BAZ2A: variants seen among roughly 807,000 people sequenced by gnomAD.
The protein encoded by BAZ2A is bromodomain adjacent to zinc finger domain protein 2A.
Under a neutral mutation model 199.9 loss-of-function variants are expected in BAZ2A, and 34 were observed. That is an observed-to-expected ratio of 0.17 (90% CI 0.13 to 0.23). The LOEUF (loss-of-function observed/expected upper bound fraction) is 0.23. Among genes scored for constraint, BAZ2A ranks in the 10% least tolerant of loss-of-function variants. The pLI is 1.00. For missense variants in BAZ2A, 2,002 were observed against 2,391.1 expected, an observed-to-expected ratio of 0.84 and a Z score of 3.39; for synonymous variants, 857 against 883.9, an observed-to-expected ratio of 0.97 and a Z score of 0.54.
chr12:56,636,874 G>C (rs1402692841), upstream of BAZ2A: 1 of 152,468 alleles, frequency 6.6e-6, no homozygotes, highest in Non-Finnish European at 1.5e-5. Context: ...AGGAGAGACT[G>C]CGGGAGAGGC....
At chr12:56,604,349 C>A in intron 15 of BAZ2A, 58 bp from the exon 16 acceptor site, 4 of 1,520,998 alleles carry the variant, frequency 2.6e-6, no homozygotes, top group Non-Finnish European at 3.6e-6. Context: ...AAAGGAGGCT[C>A]AAGGGTAAAG....
intron 1 of BAZ2A, among the ~76,000 whole-genome samples, chr12:56,624,064 G>A (rs1316244403): frequency 3.3e-5 from 5 of 150,208 alleles, no homozygotes; most frequent in African/African-American, 1.2e-4. Flanking sequence ...GCGCAACACA[G>A]TGAGACCCTA....
upstream of BAZ2A, among the ~76,000 whole-genome samples, chr12:56,633,349 C>G (rs1057378506): frequency 6.6e-6 from 1 of 152,156 alleles, no homozygotes; most frequent in Non-Finnish European, 1.5e-5. Context: ...TGAACACCCT[C>G]TCCTCCCCCC....
intron 17 of BAZ2A, 42 bp downstream of exon 17, chr12:56,603,478 T>C (rs771377882): frequency 6.2e-7 from 1 of 1,613,810 alleles, no homozygotes; most frequent in Non-Finnish European, 8.5e-7. Flanking sequence ...GAAAGAGGAA[T>C]TTATTTTCTA....
chr12:56,615,663 C>A, intron 2 of BAZ2A, 56 bp from the exon 3 acceptor site: 1 of 1,313,030 alleles, frequency 7.6e-7, no homozygotes, highest in Non-Finnish European at 1.0e-6. Flanking sequence ...GCAACTTTAC[C>A]AAAACAAACT....
In BAZ2A at chr12:56,597,415, G is replaced by C. The variant is rs947575672; in HGVS notation, c.*1203C>G. 6.6e-6 allele frequency: 1 copy of C among 152,308 alleles called. No homozygotes were observed. Among genetic ancestry groups the C allele is most frequent in the African/African-American group, 2.4e-5 (1 of 41,320 alleles). The allele number at this position is 152,308 out of a possible 1,614,324, so 9.4% of individuals were successfully genotyped here. ...CTGGAACAAAAATGACCAGGAGAGAGACACAGCCTTGTCTCCAGAGAAATT... is the reference window on the plus strand; with the variant it reads ...CTGGAACAAAAATGACCAGGAGAGACACACAGCCTTGTCTCCAGAGAAATT... On this transcript the variant is annotated 3_prime_UTR_variant, in exon 29 of 29. Coordinates refer to ENST00000549884, the MANE Select transcript of BAZ2A (RefSeq NM_001300905.2).
rs949276566 is a variant in BAZ2A, at chr12:56,604,452, G to A, written c.2963+133C>T. 8 of 1,323,556 alleles carry A rather than the reference G, an allele frequency of 6.0e-6. No homozygotes were observed. The African/African-American group carries it at 1.0e-4, about 17-fold the overall frequency. 82.0% of individuals were successfully genotyped at this position (1,323,556 alleles called of 1,614,324 possible). A position where few individuals can be genotyped will look rare whatever the true frequency, so the allele number is the denominator to read the frequency against. On this transcript the variant is annotated intron_variant, in intron 15 of 28. Coordinates refer to ENST00000549884, the MANE Select transcript of BAZ2A (RefSeq NM_001300905.2). ...CTCCCAGGGAGGGCACTGCAATTCA[G>A]TCCCAAGTCATTCCAGCATCTTCAG...
At chr12:56,607,183 G>A (rs1950388222) in intron 10 of BAZ2A, among the ~76,000 whole-genome samples, 1 of 152,146 alleles carries the variant, frequency 6.6e-6, no homozygotes, top group Non-Finnish European at 1.5e-5. Flanking sequence ...GATTAACCAA[G>A]GGTGTGCCAG....
chr12:56,614,801 T>A, intron 3 of BAZ2A: 1 of 608,606 alleles, frequency 1.6e-6, no homozygotes, highest in Non-Finnish European at 2.9e-6. Context: ...AAGCTCTGCA[T>A]GAGCTTGAAA....
intron 2 of BAZ2A, 137 bp downstream of exon 2, chr12:56,617,258 T>C: frequency 1.8e-6 from 2 of 1,090,954 alleles, no homozygotes; most frequent in Non-Finnish European, 2.4e-6. Context: ...CAAAAAATGT[T>C]TCCAAAAAAC....
chr12:56,611,510 T>A, intron 7 of BAZ2A, 63 bp downstream of exon 7: 1 of 1,523,352 alleles, frequency 6.6e-7, no homozygotes, highest in Non-Finnish European at 9.1e-7. Context: ...GGCATTCCCT[T>A]CTTTCTAGAG....
Position 56,598,886 on chromosome 12 carries a change from T to C in BAZ2A, c.5528A>G (p.Glu1843Gly). The C allele has an allele frequency of 6.2e-7, 1 of 1,606,336 alleles. No homozygotes were observed. The highest frequency in any genetic ancestry group is 8.5e-7 in the Non-Finnish European group (1 of 1,176,466). Reference protein sequence around the residue: ...KNPMDFSTMRERLLRGGYTSS... With the variant: ...KNPMDFSTMRGRLLRGGYTSS... ...TACTTACCCTCCCCTGAGCAGCCGC[T>C]CCCGCATGGTGGAAAAATCCATAGG... is the stretch of plus-strand genomic sequence containing the variant. Residue 1843 changes from glutamate (E) to glycine (G), a missense_variant, in exon 28 of 29, where the codon GAG becomes GGG. Coordinates refer to ENST00000549884, the MANE Select transcript of BAZ2A (RefSeq NM_001300905.2).
Position 56,603,742 on chromosome 12 carries a change from G to A in BAZ2A, c.3039-42C>T, listed in dbSNP as rs555054562. The stretch of plus-strand genomic sequence containing the variant: ...AAAGATTAAGGGAAGGCCAAGTGTG[G>A]TGGCTCACACCTGTAATTCCAGCAC... On this transcript the variant is annotated intron_variant, in intron 16 of 28. Transcript: ENST00000549884. The A allele has an allele frequency of 6.8e-6, 11 of 1,607,174 alleles. No homozygotes were observed. In the South Asian group the frequency reaches 1.1e-4, roughly 16 times the overall value.
upstream of BAZ2A, among the ~76,000 whole-genome samples, chr12:56,631,432 C>A (rs556550219): frequency 1.5e-3 from 202 of 132,636 alleles, 1 homozygote; most frequent in Non-Finnish European, 2.8e-3. Context: ...GCCTGGGTGA[C>A]AGAGGGAGAC....
intron 1 of BAZ2A, chr12:56,636,075 T>G: frequency 1.5e-6 from 2 of 1,350,670 alleles, no homozygotes; most frequent in Non-Finnish European, 2.0e-6. Context: ...CTGTTTCCTC[T>G]CCTTCAGCCC....
chr12:56,611,956 G>T lies in BAZ2A; in HGVS notation c.1426C>A (p.Pro476Thr). 1 of 1,613,262 alleles carries T rather than the reference G, an allele frequency of 6.2e-7. No individual in the cohort carries two copies. Among genetic ancestry groups the T allele is most frequent in the Non-Finnish European group, 8.5e-7 (1 of 1,179,620 alleles). The change falls in exon 6 of 29, where the codon CCA becomes ACA. Residue 476 changes from proline to threonine, a missense_variant. Transcript: ENST00000549884. ...VVSPASSAVL[P>T]AVSLEVPLTA... Reference sequence around the variant, plus strand: ...AACGGGACTTCTAAGGAGACTGCTGGGAGGACTGCTGAGGAAGCTGGAGAG... The same window carrying T: ...AACGGGACTTCTAAGGAGACTGCTGTGAGGACTGCTGAGGAAGCTGGAGAG...
intron 21 of BAZ2A, 33 bp downstream of exon 21, chr12:56,601,147 C>T (rs200748160): frequency 2.2e-4 from 351 of 1,613,978 alleles, no homozygotes; most frequent in Non-Finnish European, 2.8e-4. Flanking sequence ...AAGCACTGCC[C>T]ACACCGGATG....
intron 2 of BAZ2A, among the ~76,000 whole-genome samples, 200 bp from the exon 3 acceptor site, chr12:56,615,807 G>A (rs964962475): frequency 6.6e-6 from 1 of 152,182 alleles, no homozygotes; most frequent in African/African-American, 2.4e-5. Flanking sequence ...AACTGCTGCT[G>A]AGGCTGAGTA....
At chr12:56,630,405 G>T, upstream of BAZ2A, 1 of 459,696 alleles carries the variant, frequency 2.2e-6, no homozygotes, top group Non-Finnish European at 2.9e-6. Flanking sequence ...GGGTCCTAAA[G>T]CCCGCCAGCC....
Sources: allele counts gnomAD v4.1 joint callset (sites outside exome capture counted in the v4.1 genomes callset), GRCh38; gene constraint gnomAD v4.1.1; transcripts MANE v1.5; gene names NCBI Gene and HGNC (gene_info 2026-07-23, HGNC 2026-07-21).